TMEM44: variants seen among roughly 807,000 people sequenced by gnomAD.
The protein encoded by TMEM44 is transmembrane protein 44.
In TMEM44, 43 loss-of-function variants were observed where a neutral mutation model predicts 47.8. The ratio of observed to expected loss-of-function variants is 0.90; its 90% CI spans 0.70 to 1.16. The LOEUF is 1.16. Ranked by LOEUF, TMEM44 falls within the 50% of genes most tolerant of loss-of-function variation. TMEM44 has a pLI of 0.00. For synonymous variants in TMEM44, 277 were observed against 238.8 expected (o/e 1.16, Z -1.48); for missense variants, 568 against 555.2 (o/e 1.02, Z -0.23).
At position 194,611,052 on chromosome 3, in the gene TMEM44, G is replaced by T; in HGVS notation, c.913-32C>A. On this transcript the variant is annotated intron_variant, in intron 7 of 9. Coordinates refer to ENST00000347147, the MANE Select transcript of TMEM44 (RefSeq NM_001011655.3). The surrounding 1 kb of genome is among the most constrained non-coding windows in gnomAD (Gnocchi z 4.2). ...AGTAGAGGCAGGGAGACAGAAAGGG[G>T]AATTCTCAAAGTCAGGAGGCATTTT... The T allele has an allele frequency of 1.3e-6, 2 of 1,583,652 alleles. No individual in the cohort carries two copies. The highest frequency in any genetic ancestry group is 1.1e-5 in the South Asian group (1 of 89,702).
rs1282431247 is a variant in TMEM44, at chr3:194,633,348, C to T, written c.-133G>A. The stretch of plus-strand genomic sequence containing the variant: ...CCGCCGCGGCGCCTCCGGCCGAGCG[C>T]ACCGACCGCGGGCAGAGAAGGGCGC... On this transcript the variant is annotated 5_prime_UTR_variant, in exon 1 of 10. Coordinates refer to ENST00000347147, the MANE Select transcript of TMEM44 (RefSeq NM_001011655.3). The T allele has an allele frequency of 8.9e-6, 3 of 335,548 alleles. No individual in the cohort carries two copies. Among genetic ancestry groups the T allele is most frequent in the Non-Finnish European group, 1.3e-5 (3 of 234,108 alleles). 20.8% of individuals were successfully genotyped at this position (335,548 alleles called of 1,614,324 possible).
chr3:194,626,018 G>A (rs1717139547), intron 2 of TMEM44, 28 bp from the exon 3 acceptor site: 1 of 1,533,268 alleles, frequency 6.5e-7, no homozygotes, highest in African/African-American at 1.4e-5. Context: ...GAGAGTCTTG[G>A]CATTCAAGCA....
intron 8 of TMEM44, among the ~76,000 whole-genome samples, chr3:194,609,773 A>G (rs1715123629): frequency 6.6e-6 from 1 of 151,872 alleles, no homozygotes; most frequent in Admixed American, 6.6e-5. Context: ...AGTTTAGGCC[A>G]CACTTCCTTT....
intron 9 of TMEM44, among the ~76,000 whole-genome samples, chr3:194,596,344 T>C (rs1713407673): frequency 6.6e-6 from 1 of 152,196 alleles, no homozygotes. Flanking sequence ...GGGAGGCGGA[T>C]TGGAAATGCC....
chr3:194,616,136 C>T (rs1715862767), intron 6 of TMEM44, among the ~76,000 whole-genome samples: 2 of 152,086 alleles, frequency 1.3e-5, no homozygotes, highest in African/African-American at 4.8e-5. Context: ...ACTGCAACCC[C>T]TGCCTCCCTG....
chr3:194,615,424 A>C (rs1715771658), intron 7 of TMEM44, 145 bp downstream of exon 7: 2 of 1,172,696 alleles, frequency 1.7e-6, no homozygotes, highest in Middle Eastern at 3.1e-4. Context: ...TCCCTCAGCG[A>C]GACAGGACAG....
rs529120252 is a variant in TMEM44, at chr3:194,601,649, C to T, written c.1176+2638G>A. Among the ~76,000 whole-genome samples, 301 of 151,982 alleles carry T rather than the reference C, an allele frequency of 2.0e-3. 2 individuals are homozygous for T. The highest frequency in any genetic ancestry group is 6.6e-3 in the African/African-American group (272 of 41,452). Reference sequence around the variant, plus strand: ...TTTTAGTAGAGACGGGGTTTCGCCACGTTCGCCAGGCTGGTCTCAAACTTC... The same window carrying T: ...TTTTAGTAGAGACGGGGTTTCGCCATGTTCGCCAGGCTGGTCTCAAACTTC... On this transcript the variant is annotated intron_variant, in intron 9 of 9. Transcript: ENST00000347147.
intron 2 of TMEM44, 119 bp downstream of exon 2, chr3:194,628,264 G>T: frequency 2.9e-6 from 4 of 1,358,422 alleles, no homozygotes; most frequent in Non-Finnish European, 3.9e-6. Context: ...GTTCTGAGGT[G>T]ACACTGTGCT....
chr3:194,591,473 G>A (rs183701026), intron 9 of TMEM44, among the ~76,000 whole-genome samples: 1 of 152,234 alleles, frequency 6.6e-6, no homozygotes, highest in African/African-American at 2.4e-5. Flanking sequence ...CAGCGTGGGC[G>A]ACAAGAGTGA....
chr3:194,605,535 CA>C (rs538824479), intron 8 of TMEM44, among the ~76,000 whole-genome samples: 1 of 152,152 alleles, frequency 6.6e-6, no homozygotes, highest in East Asian at 1.9e-4. Flanking sequence ...TGGCAGCAGG[CA>C]AAGAGAGAGC....
chr3:194,614,587 G>A (rs1715683812), intron 7 of TMEM44, among the ~76,000 whole-genome samples: 1 of 151,832 alleles, frequency 6.6e-6, no homozygotes, highest in Non-Finnish European at 1.5e-5. Flanking sequence ...TTGTATTTTT[G>A]GTAGAGACGG....
rs9814348 is a variant in TMEM44 at position 194,588,283 on chromosome 3, G to A, written c.*246C>T. On this transcript the variant is annotated 3_prime_UTR_variant, in exon 10 of 10. Transcript: ENST00000347147. ...TTTGGATTATCTTTACGAAGCAAAAGCTTCTGTGAACTGTGATCTTCAGAA... is the reference window on the plus strand; with the variant it reads ...TTTGGATTATCTTTACGAAGCAAAAACTTCTGTGAACTGTGATCTTCAGAA... 0.046 allele frequency: 21,478 copies of A among 471,670 alleles called. 627 individuals are homozygous for A. Among genetic ancestry groups the A allele is most frequent in the Non-Finnish European group, 0.057 (15,323 of 266,582 alleles). The allele number at this position is 471,670 out of a possible 1,614,324, so 29.2% of individuals were successfully genotyped here.
intron 5 of TMEM44, chr3:194,617,923 T>G: frequency 1.7e-6 from 1 of 581,756 alleles, no homozygotes; most frequent in Non-Finnish European, 3.1e-6. Flanking sequence ...TTCCACCCTC[T>G]TGCACTCTCT....
Position 194,611,953 on chromosome 3 carries a change from C to T in TMEM44, c.913-933G>A, listed in dbSNP as rs745334514. On this transcript the variant is annotated intron_variant, in intron 7 of 9. Transcript: ENST00000347147. The surrounding 1 kb of genome is among the most constrained non-coding windows in gnomAD (Gnocchi z 4.2). Reference sequence around the variant, plus strand: ...AGGAGAATCGCTTGAACCCAGGAGGCGGAGGTTGCAGCAAGCTGAGATCGT... The same window carrying T: ...AGGAGAATCGCTTGAACCCAGGAGGTGGAGGTTGCAGCAAGCTGAGATCGT... 5.3e-5 allele frequency among the ~76,000 whole-genome samples: 8 copies of T among 151,914 alleles called. No homozygotes were observed. Among genetic ancestry groups the T allele is most frequent in the Non-Finnish European group, 1.2e-4 (8 of 67,994 alleles).
At chr3:194,597,794 A>G (rs1375070218) in intron 9 of TMEM44, among the ~76,000 whole-genome samples, 1 of 152,188 alleles carries the variant, frequency 6.6e-6, no homozygotes, top group East Asian at 1.9e-4. Flanking sequence ...ACAACAGTGA[A>G]ATGGGATATC....
rs113655982 is a variant in TMEM44 at position 194,589,011 on chromosome 3, T to G, written c.1177-372A>C. On this transcript the variant is annotated intron_variant, in intron 9 of 9. Transcript: ENST00000347147. ...ACCAGGCAAACTTAATCCTTTTTTATTTTTTTAAGACAGGGTCTTGCGGTG... is the reference window on the plus strand; with the variant it reads ...ACCAGGCAAACTTAATCCTTTTTTAGTTTTTTAAGACAGGGTCTTGCGGTG... 370 of 246,796 alleles carry G rather than the reference T, an allele frequency of 1.5e-3. 3 individuals carry two copies. Among genetic ancestry groups the G allele is most frequent in the African/African-American group, 7.5e-3 (330 of 43,836 alleles). 15.3% of individuals were successfully genotyped at this position (246,796 alleles called of 1,614,324 possible).
At chr3:194,628,629 T>A in intron 1 of TMEM44, 120 bp from the exon 2 acceptor site, 1 of 1,254,778 alleles carries the variant, frequency 8.0e-7, no homozygotes, top group Non-Finnish European at 1.1e-6. Context: ...CCGAGGTATT[T>A]AGGACGTGTT....
chr3:194,591,139 A>G (rs789836), intron 9 of TMEM44, among the ~76,000 whole-genome samples: 94,850 of 151,756 alleles, frequency 0.63, 30,499 homozygotes, highest in East Asian at 0.73. Flanking sequence ...GGTTGCAGTG[A>G]GCTGAGACTG....
At chr3:194,599,742 G>A (rs1310200370) in intron 9 of TMEM44, among the ~76,000 whole-genome samples, 1 of 146,272 alleles carries the variant, frequency 6.8e-6, no homozygotes, top group African/African-American at 2.6e-5. Flanking sequence ...GTGCCACTGC[G>A]CCTGGCTAAT....
Sources: allele counts gnomAD v4.1 joint callset (sites outside exome capture counted in the v4.1 genomes callset), GRCh38; gene constraint gnomAD v4.1.1; non-coding constraint Gnocchi (gnomAD v3.1); transcripts MANE v1.5; gene names NCBI Gene and HGNC (gene_info 2026-07-23, HGNC 2026-07-21).